KLHL3: variants seen among roughly 807,000 people sequenced by gnomAD.
KLHL3 encodes the protein kelch-like protein 3.
Under a neutral mutation model 70.5 loss-of-function variants are expected in KLHL3, and 19 were observed. The ratio of observed to expected loss-of-function variants is 0.27; its 90% CI spans 0.19 to 0.40. KLHL3 has a LOEUF of 0.40. Among genes scored for constraint, KLHL3 ranks in the 10% least tolerant of loss-of-function variants. The probability of loss-of-function intolerance (pLI) is 1.00; values close to 1 mark genes in which losing one functional copy is unlikely to be tolerated. For missense variants in KLHL3, 512 were observed against 771.1 expected (o/e 0.66, Z 3.98); for synonymous variants, 258 against 290.3 (o/e 0.89, Z 1.13).
chr5:137,642,678 G>A (rs2149887097), intron 8 of KLHL3, among the ~76,000 whole-genome samples: 1 of 152,216 alleles, frequency 6.6e-6, no homozygotes, highest in East Asian at 1.9e-4. Flanking sequence ...AATGAAAAAA[G>A]AAACTAAACT....
chr5:137,661,975 G>A lies in KLHL3; in HGVS notation c.693C>T (p.His231=), dbSNP rs1163016498. The A allele has an allele frequency of 3.1e-6, 5 of 1,613,416 alleles. No homozygotes were observed. The highest frequency in any genetic ancestry group is 4.2e-6 in the Non-Finnish European group (5 of 1,179,554). ...GGACATGTTCCATCAGCTTTGCCAT[G>A]TGCTCTAAACGGGTTTCTTTCTCAT... The part of the protein sequence containing the change: ...INYEKETRLE[H]MAKLMEHVRL... The change falls in exon 7 of 15, where the codon CAC becomes CAT. Residue 231 remains histidine (H), a synonymous_variant. Transcript: ENST00000309755.
intron 1 of KLHL3, among the ~76,000 whole-genome samples, chr5:137,734,133 C>T (rs529985309): frequency 3.9e-5 from 6 of 152,306 alleles, no homozygotes; most frequent in African/African-American, 1.4e-4. Flanking sequence ...CTGGTAGTCT[C>T]ACACTGACCT....
chr5:137,700,241 A>G (rs1752539376), intron 3 of KLHL3, among the ~76,000 whole-genome samples: 1 of 152,258 alleles, frequency 6.6e-6, no homozygotes, highest in African/African-American at 2.4e-5. Context: ...TACACAAGGA[A>G]ATCAGAAGTT....
chr5:137,670,035 G>A (rs1751713210), intron 6 of KLHL3, among the ~76,000 whole-genome samples: 1 of 152,194 alleles, frequency 6.6e-6, no homozygotes, highest in Non-Finnish European at 1.5e-5. Context: ...CTATGAGTAA[G>A]GGGAAGGAAG....
chr5:137,670,744 C>A (rs545597012), intron 6 of KLHL3, among the ~76,000 whole-genome samples: 1 of 151,616 alleles, frequency 6.6e-6, no homozygotes, highest in Non-Finnish European at 1.5e-5. Context: ...CTGAGGCAGG[C>A]GGATCATGAG....
Position 137,618,894 on chromosome 5 carries a change from T to TAAAAAAAAAAAAAAAA in KLHL3, c.*3203_*3204insTTTTTTTTTTTTTTTT, listed in dbSNP as rs1045906480. The TAAAAAAAAAAAAAAAA allele has an allele frequency of 4.1e-5, 6 of 146,210 alleles. 1 individual carries two copies. Among genetic ancestry groups the TAAAAAAAAAAAAAAAA allele is most frequent in the Non-Finnish European group, 7.5e-5 (5 of 66,988 alleles). 9.1% of individuals were successfully genotyped at this position (146,210 alleles called of 1,614,324 possible). On this transcript the variant is annotated 3_prime_UTR_variant, in exon 15 of 15. Coordinates refer to ENST00000309755, the MANE Select transcript of KLHL3 (RefSeq NM_017415.3). ...CAGACTCCCTTGAATATGGTATTTT[T>TAAAAAAAAAAAAAAAA]AAAAAAAAAAAAAAGGCTCATCTAC...
rs138262624 is a variant in KLHL3 at position 137,645,837 on chromosome 5, T to C, written c.904-5860A>G. ...CTCATATGGGAATAGCCAAACAATC[T>C]AGAGCAAAAGGAACAAAGCTGGGGG... On this transcript the variant is annotated intron_variant, in intron 8 of 14. Coordinates refer to ENST00000309755, the MANE Select transcript of KLHL3 (RefSeq NM_017415.3). Among the ~76,000 whole-genome samples, 1,112 of 151,838 alleles carry C rather than the reference T, an allele frequency of 7.3e-3. 10 individuals carry two copies. The highest frequency in any genetic ancestry group is 0.02 in the Middle Eastern group (6 of 294).
intron 3 of KLHL3, among the ~76,000 whole-genome samples, chr5:137,707,290 A>C (rs1229603163): frequency 6.6e-6 from 1 of 152,156 alleles, no homozygotes; most frequent in Non-Finnish European, 1.5e-5. Context: ...AAAATTAGCC[A>C]GGCATGGTGG....
chr5:137,712,484 T>C (rs993529960), intron 2 of KLHL3, among the ~76,000 whole-genome samples: 1 of 152,122 alleles, frequency 6.6e-6, no homozygotes, highest in African/African-American at 2.4e-5. Flanking sequence ...ACTTGCCAAA[T>C]AGTTAAGATG....
Position 137,709,747 on chromosome 5 carries a change from T to C in KLHL3, c.241+3A>G. 1 of 1,611,052 alleles carries C rather than the reference T, an allele frequency of 6.2e-7. No homozygotes were observed. ...ATGGGTTAATGGTGGCCACTCACCA[T>C]ACCTGTGAACATCGCACAGAAGTAG... is the stretch of plus-strand genomic sequence containing the variant. On this transcript the variant is annotated splice_donor_region_variant and intron_variant, in intron 3 of 14. Transcript: ENST00000309755.
chr5:137,674,392 G>A (rs1175682631), intron 6 of KLHL3, among the ~76,000 whole-genome samples: 1 of 152,132 alleles, frequency 6.6e-6, no homozygotes, highest in Non-Finnish European at 1.5e-5. Flanking sequence ...TTTAAGTAGG[G>A]AAGTCAAAAT....
At chr5:137,721,863 C>T (rs1753003572) in intron 1 of KLHL3, among the ~76,000 whole-genome samples, 1 of 152,206 alleles carries the variant, frequency 6.6e-6, no homozygotes, top group South Asian at 2.1e-4. Context: ...TCCTGAGCAA[C>T]ATCTTTCAAC....
Position 137,618,894 on chromosome 5 carries a change from T to TAAAAAAAAAAA in KLHL3, c.*3193_*3203dup, listed in dbSNP as rs1045906480. On this transcript the variant is annotated 3_prime_UTR_variant, in exon 15 of 15. Coordinates refer to ENST00000309755, the MANE Select transcript of KLHL3 (RefSeq NM_017415.3). ...CAGACTCCCTTGAATATGGTATTTT[T>TAAAAAAAAAAA]AAAAAAAAAAAAAAGGCTCATCTAC... is the stretch of plus-strand genomic sequence containing the variant. 6.8e-5 allele frequency: 10 copies of TAAAAAAAAAAA among 146,246 alleles called. 4 individuals are homozygous for TAAAAAAAAAAA. The highest frequency in any genetic ancestry group is 1.3e-4 in the Non-Finnish European group (9 of 66,978). The allele number at this position is 146,246 out of a possible 1,614,324, so 9.1% of individuals were successfully genotyped here.
chr5:137,640,876 G>A (rs1750898094), intron 8 of KLHL3, among the ~76,000 whole-genome samples: 1 of 151,716 alleles, frequency 6.6e-6, no homozygotes, highest in Non-Finnish European at 1.5e-5. Flanking sequence ...ATTTTTAAAA[G>A]CACAGAAAAT....
intron 6 of KLHL3, among the ~76,000 whole-genome samples, chr5:137,672,128 T>C (rs1751775466): frequency 1.3e-5 from 2 of 152,346 alleles, no homozygotes; most frequent in Admixed American, 6.5e-5. Flanking sequence ...ATCACTGTTG[T>C]TGGCAAGCTG....
In KLHL3 at chr5:137,622,071, T is replaced by C; in HGVS notation, c.*27A>G. 1 of 1,613,438 alleles carries C rather than the reference T, an allele frequency of 6.2e-7. No individual in the cohort carries two copies. Among genetic ancestry groups the C allele is most frequent in the Non-Finnish European group, 8.5e-7 (1 of 1,179,398 alleles). ...GTCACAGGCAGCACCTGCTCCTTCC[T>C]CCACCTCCTGGCAGTAGGAGTTTGG... On this transcript the variant is annotated 3_prime_UTR_variant, in exon 15 of 15. Coordinates refer to ENST00000309755, the MANE Select transcript of KLHL3 (RefSeq NM_017415.3).
intron 14 of KLHL3, among the ~76,000 whole-genome samples, chr5:137,625,547 G>T (rs1750437594): frequency 6.6e-6 from 1 of 152,198 alleles, no homozygotes; most frequent in South Asian, 2.1e-4. Context: ...AGGGGCAGGG[G>T]TTAATAAGTG....
chr5:137,670,563 T>C (rs1166446813), intron 6 of KLHL3, among the ~76,000 whole-genome samples: 3 of 151,668 alleles, frequency 2.0e-5, no homozygotes, highest in Non-Finnish European at 4.4e-5. Context: ...TTCACAAAGC[T>C]CATTACCATA....
chr5:137,710,370 A>G (rs1752768864), intron 2 of KLHL3, among the ~76,000 whole-genome samples: 1 of 152,148 alleles, frequency 6.6e-6, no homozygotes, highest in Non-Finnish European at 1.5e-5. Flanking sequence ...CCCAGATTTA[A>G]CGCTTTCAAC....
Sources: allele counts gnomAD v4.1 joint callset (sites outside exome capture counted in the v4.1 genomes callset), GRCh38; gene constraint gnomAD v4.1.1; transcripts MANE v1.5; gene names NCBI Gene and HGNC (gene_info 2026-07-23, HGNC 2026-07-21).